SYN2: variants seen among roughly 807,000 people sequenced by gnomAD.
SYN2 encodes the protein synapsin II.
SYN2 carries 19 observed loss-of-function variants against 50.9 expected under a neutral mutation model. The ratio of observed to expected loss-of-function variants is 0.37; its 90% CI spans 0.26 to 0.55. The LOEUF is 0.55. SYN2 is among the 20% of genes least tolerant of loss of function. The pLI, the probability that SYN2 is intolerant of heterozygous loss-of-function variation, is 0.81. For synonymous variants in SYN2, 255 were observed against 224.9 expected (o/e 1.13, Z -1.20); for missense variants, 587 against 576.4 (o/e 1.02, Z -0.19).
At chr3:12,163,221 G>A (rs926646831) in intron 7 of SYN2, among the ~76,000 whole-genome samples, 2 of 127,948 alleles carry the variant, frequency 1.6e-5, no homozygotes, top group Admixed American at 9.1e-5. Flanking sequence ...CAGCCTGGGC[G>A]ACAGTGCAAG....
chr3:12,009,333 GTT>G (rs75187596), intron 1 of SYN2, among the ~76,000 whole-genome samples: 1 of 146,306 alleles, frequency 6.8e-6, no homozygotes, highest in African/African-American at 2.5e-5. Flanking sequence ...TCTCTACCAT[GTT>G]TTTTTTTTTC....
chr3:12,118,917 A>G (rs1333287889), intron 1 of SYN2, among the ~76,000 whole-genome samples: 5 of 152,218 alleles, frequency 3.3e-5, no homozygotes, highest in Admixed American at 2.0e-4. Context: ...TTCAGCATGT[A>G]CTCATTATAA....
chr3:12,063,655 A>G (rs1574917948), intron 1 of SYN2, among the ~76,000 whole-genome samples: 1 of 152,116 alleles, frequency 6.6e-6, no homozygotes, highest in East Asian at 1.9e-4. Context: ...TTTCATATAG[A>G]AATATTTATG....
chr3:12,129,003 A>G (rs1323054442), intron 1 of SYN2, among the ~76,000 whole-genome samples: 1 of 152,208 alleles, frequency 6.6e-6, no homozygotes, highest in Non-Finnish European at 1.5e-5. Context: ...GGTTGGGCAG[A>G]TGGATAATAA....
chr3:12,054,544 C>A (rs895944774), intron 1 of SYN2, among the ~76,000 whole-genome samples: 2 of 152,102 alleles, frequency 1.3e-5, no homozygotes, highest in Non-Finnish European at 1.5e-5. Context: ...CAATTACTTA[C>A]ATTATCTGAA....
In SYN2 at chr3:12,126,663, A is replaced by G. The variant is rs142959132; in HGVS notation, c.378-13988A>G. Among the ~76,000 whole-genome samples, 699 of 152,320 alleles carry G rather than the reference A, an allele frequency of 4.6e-3. 5 individuals carry two copies. The highest frequency in any genetic ancestry group is 0.016 in the African/African-American group (647 of 41,576). On this transcript the variant is annotated intron_variant, in intron 1 of 12. Transcript: ENST00000621198. Reference sequence around the variant, plus strand: ...TCAAATCCTGAATCTTCCACCCAGTAGTTGTATGACCTTGAACAAGTTACT... The same window carrying G: ...TCAAATCCTGAATCTTCCACCCAGTGGTTGTATGACCTTGAACAAGTTACT...
chr3:12,186,302 G>A (rs1001937813), intron 11 of SYN2, among the ~76,000 whole-genome samples: 5 of 152,166 alleles, frequency 3.3e-5, no homozygotes, highest in Non-Finnish European at 7.3e-5. Flanking sequence ...AATGGGGATG[G>A]CTTTTGATTT....
chr3:12,183,795 G>A (rs1204190349), intron 11 of SYN2: 34 of 1,043,482 alleles, frequency 3.3e-5, no homozygotes, highest in African/African-American at 1.6e-4. Flanking sequence ...TGGGAGTAGG[G>A]GGGTGGACAG....
chr3:12,080,586 G>T (rs184800848), intron 1 of SYN2, among the ~76,000 whole-genome samples: 4 of 152,252 alleles, frequency 2.6e-5, no homozygotes, highest in Admixed American at 2.6e-4. Flanking sequence ...GGAGCAGGTT[G>T]CTCAGTTTCC....
intron 1 of SYN2, among the ~76,000 whole-genome samples, chr3:12,026,799 G>A (rs1694269174): frequency 6.6e-6 from 1 of 152,108 alleles, no homozygotes; most frequent in Non-Finnish European, 1.5e-5. Flanking sequence ...ATATTGTTTG[G>A]GTTAGCACTG....
Position 12,020,329 on chromosome 3 carries a change from C to G in SYN2, c.377+15401C>G, listed in dbSNP as rs1457401935. Among the ~76,000 whole-genome samples, 3 of 144,832 alleles carry G rather than the reference C, an allele frequency of 2.1e-5. No homozygotes were observed. In the Admixed American group the frequency reaches 2.1e-4, roughly 10 times the overall value. On this transcript the variant is annotated intron_variant, in intron 1 of 12. Transcript: ENST00000621198. Reference sequence around the variant, plus strand: ...TTTTCCTGTCCTCTTCCCCCCCACCCTGGCCCCCCACATAATTAGTCCCTC... The same window carrying G: ...TTTTCCTGTCCTCTTCCCCCCCACCGTGGCCCCCCACATAATTAGTCCCTC...
At chr3:12,185,944 G>C (rs1698334858) in intron 11 of SYN2, among the ~76,000 whole-genome samples, 2 of 152,150 alleles carry the variant, frequency 1.3e-5, no homozygotes, top group Non-Finnish European at 2.9e-5. Flanking sequence ...TTTGAATTTG[G>C]AGCTTCTTAA....
chr3:12,041,295 C>T (rs1233873872), intron 1 of SYN2, among the ~76,000 whole-genome samples: 2 of 152,100 alleles, frequency 1.3e-5, no homozygotes, highest in East Asian at 3.9e-4. Context: ...GGGATGGTGG[C>T]TTTGGTGAAA....
chr3:12,120,684 G>A (rs1300992633), intron 1 of SYN2, among the ~76,000 whole-genome samples: 1 of 152,124 alleles, frequency 6.6e-6, no homozygotes, highest in Non-Finnish European at 1.5e-5. Flanking sequence ...TTTTTCACAG[G>A]CCTCTAGCCA....
At chr3:12,027,044 G>A (rs543208522) in intron 1 of SYN2, among the ~76,000 whole-genome samples, 2 of 152,166 alleles carry the variant, frequency 1.3e-5, no homozygotes, top group Admixed American at 1.3e-4. Context: ...AGTGGGGGGA[G>A]GCTCTGCTGA....
chr3:12,123,283 G>A lies in SYN2; in HGVS notation c.378-17368G>A, dbSNP rs376943831. Among the ~76,000 whole-genome samples, 13 of 152,288 alleles carry A rather than the reference G, an allele frequency of 8.5e-5. No individual in the cohort carries two copies. The South Asian group carries it at 1.9e-3, about 22-fold the overall frequency. Reference sequence around the variant, plus strand: ...AAATAAAGCCAGATCTAGACACGTCGTAGTGAAGTTGCAGAGCATCAAAGA... The same window carrying A: ...AAATAAAGCCAGATCTAGACACGTCATAGTGAAGTTGCAGAGCATCAAAGA... On this transcript the variant is annotated intron_variant, in intron 1 of 12. Transcript: ENST00000621198.
chr3:12,168,711 TC>T (rs1343851431), intron 9 of SYN2, among the ~76,000 whole-genome samples: 2 of 152,162 alleles, frequency 1.3e-5, no homozygotes, highest in African/African-American at 4.8e-5. Context: ...ATGTTACCAT[TC>T]TCTGTCTCAG....
intron 1 of SYN2, among the ~76,000 whole-genome samples, chr3:12,107,847 G>A (rs1696228935): frequency 1.3e-5 from 2 of 152,194 alleles, no homozygotes; most frequent in South Asian, 2.1e-4. Context: ...TGTGACTATA[G>A]AAGTCCTATA....
intron 7 of SYN2, among the ~76,000 whole-genome samples, chr3:12,163,408 C>T (rs1697704697): frequency 6.6e-6 from 1 of 150,486 alleles, no homozygotes; most frequent in Non-Finnish European, 1.5e-5. Flanking sequence ...TCTTCTCTTA[C>T]CCCCCCTTTT....
Sources: gnomAD v4.1 joint callset for allele counts (sites outside exome capture counted in the v4.1 genomes callset) on GRCh38, gnomAD v4.1.1 for gene constraint, MANE v1.5 for transcripts, NCBI Gene and HGNC (gene_info 2026-07-23, HGNC 2026-07-21) for gene names.